The following AMPD3 variants were observed in gnomAD, a reference collection of about 807,000 sequenced individuals.
AMPD3 encodes the protein adenosine monophosphate deaminase 3.
Under a neutral mutation model 82.3 loss-of-function variants are expected in AMPD3, and 57 were observed. The observed-to-expected ratio is 0.69, with a 90% confidence interval of 0.56 to 0.86. The LOEUF (loss-of-function observed/expected upper bound fraction) is 0.86, where lower values mean the gene tolerates loss of function less well. Ranked by LOEUF, AMPD3 falls within the 40% of genes least tolerant of loss-of-function variation. AMPD3 has a pLI of 0.00. For synonymous variants in AMPD3, 381 were observed against 394.7 expected (o/e 0.97, Z 0.41); for missense variants, 870 against 1,003.8 (o/e 0.87, Z 1.80).
rs931603212 is a variant in AMPD3, at chr11:10,477,745, G to A, written c.222-781G>A. On this transcript the variant is annotated intron_variant, in intron 2 of 14. Transcript: ENST00000396553. Reference sequence around the variant, plus strand: ...GGTACACGGCGGGCTAGAGGAGGGAGCAGCAGGGCTGGAGGCTGGGTGGAG... The same window carrying A: ...GGTACACGGCGGGCTAGAGGAGGGAACAGCAGGGCTGGAGGCTGGGTGGAG... The A allele has an allele frequency of 9.4e-5, 31 of 331,130 alleles. 1 individual carries two copies. The highest frequency in any genetic ancestry group is 2.6e-4 in the Admixed American group (4 of 15,498). The allele number at this position is 331,130 out of a possible 1,614,324, so 20.5% of individuals were successfully genotyped here. A position where few individuals can be genotyped will look rare whatever the true frequency, so the allele number is the denominator to read the frequency against.
chr11:10,490,201 C>A (rs1301526911), intron 6 of AMPD3, among the ~76,000 whole-genome samples: 1 of 152,196 alleles, frequency 6.6e-6, no homozygotes, highest in African/African-American at 2.4e-5. Context: ...GGCTGAGACA[C>A]CCCGAGGCCC....
At chr11:10,460,956 A>T in intron 1 of AMPD3, 3 of 985,430 alleles carry the variant, frequency 3.0e-6, no homozygotes, top group Non-Finnish European at 3.6e-6. Context: ...AGGAGGTTCC[A>T]GAGGGTTTGG....
chr11:10,486,006 G>C (rs10840426), intron 5 of AMPD3, among the ~76,000 whole-genome samples: 140,197 of 152,038 alleles, frequency 0.92, 64,632 homozygotes, highest in East Asian at 0.96. Flanking sequence ...TGCCAGTCTC[G>C]AAAGTAGCAT....
chr11:10,479,662 T>A (rs1325741955), intron 3 of AMPD3, among the ~76,000 whole-genome samples: 1 of 152,250 alleles, frequency 6.6e-6, no homozygotes, highest in Non-Finnish European at 1.5e-5. Flanking sequence ...TCTATGTACC[T>A]ACAATTATTT....
intron 6 of AMPD3, 78 bp downstream of exon 6, chr11:10,487,442 G>A (rs963898273): frequency 6.2e-7 from 1 of 1,602,508 alleles, no homozygotes; most frequent in East Asian, 2.2e-5. Context: ...GCCAGTCTGA[G>A]GCTTGTCCCC....
intron 7 of AMPD3, chr11:10,494,544 T>C (rs1849334566): frequency 1.0e-6 from 1 of 985,112 alleles, no homozygotes; most frequent in Non-Finnish European, 1.2e-6. Flanking sequence ...CATTGAATGA[T>C]ATAATGTGGA....
chr11:10,482,290 T>C, intron 4 of AMPD3, 65 bp downstream of exon 4: 1 of 1,573,474 alleles, frequency 6.4e-7, no homozygotes, highest in East Asian at 2.3e-5. Flanking sequence ...TCAGGGCTTT[T>C]TTCTGGCTCG....
chr11:10,465,988 G>C (rs140438626), intron 2 of AMPD3, among the ~76,000 whole-genome samples: 19 of 152,244 alleles, frequency 1.2e-4, no homozygotes, highest in African/African-American at 4.6e-4. Context: ...GTGGCCAGGC[G>C]CAGTGGCTCA....
At chr11:10,481,864 G>A (rs11042835) in intron 3 of AMPD3, 199 bp from the exon 4 acceptor site, 40,526 of 658,886 alleles carry the variant, frequency 0.062, 1,568 homozygotes, top group Non-Finnish European at 0.082. Flanking sequence ...GAAAGCAGGT[G>A]TCCAACATAA....
chr11:10,461,021 A>G (rs1321510321), intron 1 of AMPD3: 5 of 1,125,222 alleles, frequency 4.4e-6, no homozygotes, highest in Non-Finnish European at 4.4e-6. Flanking sequence ...TATGTAATGA[A>G]GAATGCAGCT....
intron 2 of AMPD3, among the ~76,000 whole-genome samples, chr11:10,475,418 C>T (rs1313891427): frequency 1.3e-5 from 2 of 152,120 alleles, no homozygotes; most frequent in East Asian, 1.9e-4. Context: ...CCATGTCGCA[C>T]ACCCTCTGAC....
rs373729549 is a variant in AMPD3 at position 10,478,748 on chromosome 11, G to C, written c.426+18G>C. 1.2e-6 allele frequency: 2 copies of C among 1,607,328 alleles called. No homozygotes were observed. Among genetic ancestry groups the C allele is most frequent in the Admixed American group, 3.3e-5 (2 of 60,028 alleles). The stretch of plus-strand genomic sequence containing the variant: ...GTGCCGGGGTAAGGCGTCTGTGAGA[G>C]TGTTGAATGTGCCTTGCATGCAAAG... On this transcript the variant is annotated intron_variant, in intron 3 of 14. Transcript: ENST00000396553.
At chr11:10,453,726 C>T (rs191909738), upstream of AMPD3, among the ~76,000 whole-genome samples, 790 of 152,056 alleles carry the variant, frequency 5.2e-3, 2 homozygotes, top group Non-Finnish European at 9.3e-3. Context: ...GTAGGTGGGA[C>T]TACAGGTGCG....
chr11:10,450,418 C>T (rs1190292426), upstream of AMPD3: 6 of 985,724 alleles, frequency 6.1e-6, no homozygotes, highest in African/African-American at 5.3e-5. Flanking sequence ...CCAATGCTTG[C>T]GGGTTGCTGC....
At chr11:10,494,647 C>A in intron 7 of AMPD3, 1 of 985,382 alleles carries the variant, frequency 1.0e-6, no homozygotes, top group Non-Finnish European at 1.2e-6. Context: ...ATGTCCTGAG[C>A]CGAGCTGTGG....
intron 10 of AMPD3, among the ~76,000 whole-genome samples, chr11:10,498,835 G>A (rs1412689444): frequency 2.0e-5 from 3 of 152,196 alleles, no homozygotes; most frequent in East Asian, 1.9e-4. Context: ...AAGCACTGCC[G>A]TGGCCTGGTA....
At chr11:10,487,516 G>C in intron 6 of AMPD3, 152 bp downstream of exon 6, 1 of 1,076,620 alleles carries the variant, frequency 9.3e-7, no homozygotes, top group Non-Finnish European at 1.4e-6. Context: ...TGAAGCATAT[G>C]TGCAGAAGGA....
intron 3 of AMPD3, 67 bp from the exon 4 acceptor site, chr11:10,481,996 A>C: frequency 6.2e-7 from 1 of 1,604,520 alleles, no homozygotes. Flanking sequence ...TTGCAAGCAC[A>C]TCTTTCCAAG....
intron 1 of AMPD3, chr11:10,460,926 TTTA>T (rs2133821377): frequency 1.0e-6 from 1 of 985,354 alleles, no homozygotes; most frequent in Non-Finnish European, 1.2e-6. Flanking sequence ...AAACCTTTAT[TTTA>T]TTTGCTGTGT....
Sources: gnomAD v4.1 joint callset for allele counts (sites outside exome capture counted in the v4.1 genomes callset) on GRCh38, gnomAD v4.1.1 for gene constraint, MANE v1.5 for transcripts, NCBI Gene and HGNC (gene_info 2026-07-23, HGNC 2026-07-21) for gene names.